Variants in ADK observed in about 807,000 individuals in gnomAD.
ADK encodes the protein adenosine kinase.
Under a neutral mutation model 44.7 loss-of-function variants are expected in ADK, and 24 were observed. The observed-to-expected ratio is 0.54, with a 90% confidence interval of 0.39 to 0.76. The LOEUF (loss-of-function observed/expected upper bound fraction) is 0.76. Ranked by LOEUF, ADK falls within the 30% of genes least tolerant of loss-of-function variation. The pLI is 0.00. For missense variants in ADK, 321 were observed against 425.1 expected, an observed-to-expected ratio of 0.76 and a Z score of 2.15; for synonymous variants, 128 against 142.6, an observed-to-expected ratio of 0.90 and a Z score of 0.73.
chr10:74,558,922 A>G (rs1434537920), intron 7 of ADK, among the ~76,000 whole-genome samples: 1 of 152,232 alleles, frequency 6.6e-6, no homozygotes, highest in Non-Finnish European at 1.5e-5. Flanking sequence ...TGTCTCAGGA[A>G]GACTTAGGAC....
intron 2 of ADK, among the ~76,000 whole-genome samples, chr10:74,206,660 GC>G (rs932195907): frequency 6.6e-6 from 1 of 152,198 alleles, no homozygotes. Flanking sequence ...TGGTGAACAT[GC>G]CTCCAGATGT....
chr10:74,362,167 C>T (rs1842355094), intron 4 of ADK, among the ~76,000 whole-genome samples: 2 of 152,086 alleles, frequency 1.3e-5, no homozygotes. Context: ...ACCCCTTTGT[C>T]TTTCTCAGTC....
chr10:74,172,137 C>CTTTTT (rs3998223), intron 1 of ADK, among the ~76,000 whole-genome samples: 4 of 122,684 alleles, frequency 3.3e-5, no homozygotes, highest in African/African-American at 6.3e-5. Flanking sequence ...CATGGATTTT[C>CTTTTT]TTTTTTTTTT....
At chr10:74,550,673 T>C (rs1177930978) in intron 7 of ADK, among the ~76,000 whole-genome samples, 4 of 152,182 alleles carry the variant, frequency 2.6e-5, no homozygotes, top group African/African-American at 9.7e-5. Context: ...CATGGTATAG[T>C]AGGTAGTCAA....
At chr10:74,183,822 TAATAA>T (rs1362083324) in intron 1 of ADK, among the ~76,000 whole-genome samples, 1 of 152,160 alleles carries the variant, frequency 6.6e-6, no homozygotes, top group Admixed American at 6.5e-5. Flanking sequence ...AATATACTAC[TAATAA>T]AATAAAATAC....
intron 9 of ADK, among the ~76,000 whole-genome samples, chr10:74,606,903 T>C (rs1046662641): frequency 6.6e-6 from 1 of 152,204 alleles, no homozygotes; most frequent in African/African-American, 2.4e-5. Flanking sequence ...GCTTTATGAA[T>C]CTGGGTGCTC....
At chr10:74,643,191 C>A (rs2134104473) in intron 9 of ADK, among the ~76,000 whole-genome samples, 1 of 152,230 alleles carries the variant, frequency 6.6e-6, no homozygotes, top group East Asian at 1.9e-4. Flanking sequence ...CATCTTATCT[C>A]ATTCCCAACT....
chr10:74,220,054 C>A (rs1844236242), intron 2 of ADK, among the ~76,000 whole-genome samples: 1 of 151,616 alleles, frequency 6.6e-6, no homozygotes, highest in African/African-American at 2.4e-5. Flanking sequence ...ACACAAAAAA[C>A]CGTTCAAAAA....
chr10:74,397,881 A>G (rs993741638), intron 5 of ADK, among the ~76,000 whole-genome samples: 32 of 152,134 alleles, frequency 2.1e-4, no homozygotes, highest in African/African-American at 7.5e-4. Flanking sequence ...TAGATATTCC[A>G]TTTCTAAAAT....
At chr10:74,495,211 AAGTC>A (rs1467748308) in intron 6 of ADK, among the ~76,000 whole-genome samples, 2 of 152,082 alleles carry the variant, frequency 1.3e-5, no homozygotes, top group Non-Finnish European at 1.5e-5. Flanking sequence ...TTTAGACAAT[AAGTC>A]AGTTCTGTGA....
intron 4 of ADK, among the ~76,000 whole-genome samples, chr10:74,352,832 A>G (rs188718693): frequency 5.1e-3 from 784 of 152,364 alleles, no homozygotes; most frequent in Admixed American, 8.1e-3. Context: ...ATCATTGGTC[A>G]TTAGAGAAAT....
intron 6 of ADK, among the ~76,000 whole-genome samples, chr10:74,464,986 A>G (rs1846302737): frequency 1.3e-5 from 2 of 152,216 alleles, no homozygotes; most frequent in South Asian, 4.1e-4. Flanking sequence ...TATAGCAGCG[A>G]CCAGGTAAAT....
chr10:74,445,296 A>G (rs1400532505), intron 6 of ADK, among the ~76,000 whole-genome samples: 1 of 151,950 alleles, frequency 6.6e-6, no homozygotes, highest in Non-Finnish European at 1.5e-5. Context: ...GAATGTCATT[A>G]ATGTTCCTAT....
chr10:74,204,948 G>A (rs1843533846), intron 2 of ADK, among the ~76,000 whole-genome samples: 1 of 147,414 alleles, frequency 6.8e-6, no homozygotes, highest in South Asian at 2.1e-4. Flanking sequence ...GCTGAGGCAG[G>A]AGAATTGCTT....
At chr10:74,361,979 A>G (rs1842349309) in intron 4 of ADK, among the ~76,000 whole-genome samples, 1 of 152,086 alleles carries the variant, frequency 6.6e-6, no homozygotes, top group Non-Finnish European at 1.5e-5. Context: ...CCTTTCAGTG[A>G]TTTCAGAAGT....
intron 6 of ADK, among the ~76,000 whole-genome samples, chr10:74,466,937 C>T (rs781710049): frequency 2.6e-5 from 4 of 151,906 alleles, no homozygotes; most frequent in South Asian, 2.1e-4. Flanking sequence ...TATGAAATTG[C>T]AGATCTTTCC....
At chr10:74,212,553 T>A (rs11000924) in intron 2 of ADK, among the ~76,000 whole-genome samples, 31,440 of 151,964 alleles carry the variant, frequency 0.21, 4,403 homozygotes, top group African/African-American at 0.4. Flanking sequence ...TAAAATAAGG[T>A]TATTAGGGTT....
At chr10:74,407,084 G>A (rs112803034) in intron 6 of ADK, among the ~76,000 whole-genome samples, 54 of 151,182 alleles carry the variant, frequency 3.6e-4, no homozygotes, top group Non-Finnish European at 6.8e-4. Flanking sequence ...AGCCTCCCAA[G>A]TAACTGGAAC....
chr10:74,644,709 T>C (rs755883459), intron 9 of ADK, among the ~76,000 whole-genome samples: 7 of 152,108 alleles, frequency 4.6e-5, no homozygotes, highest in Non-Finnish European at 7.4e-5. Context: ...TTTTAATTTT[T>C]TTGTAGAGAT....
Sources: allele counts gnomAD v4.1 joint callset (sites outside exome capture counted in the v4.1 genomes callset), GRCh38; gene constraint gnomAD v4.1.1; transcripts MANE v1.5; gene names NCBI Gene and HGNC (gene_info 2026-07-23, HGNC 2026-07-21).